The following IL7 variants were observed in gnomAD, a reference collection of about 807,000 sequenced individuals.
The protein encoded by IL7 is interleukin 7.
In IL7, 3 loss-of-function variants were observed where a neutral mutation model predicts 21.6. The ratio of observed to expected loss-of-function variants is 0.14; its 90% CI spans 0.06 to 0.36. The LOEUF (loss-of-function observed/expected upper bound fraction) is 0.36, where lower values mean the gene tolerates loss of function less well. IL7 is among the 10% of genes least tolerant of loss of function. The probability of loss-of-function intolerance (pLI) is 1.00; values close to 1 mark genes in which losing one functional copy is unlikely to be tolerated. For synonymous variants in IL7, 62 were observed against 68.1 expected, an observed-to-expected ratio of 0.91 and a Z score of 0.44; for missense variants, 175 against 200.2, an observed-to-expected ratio of 0.87 and a Z score of 0.76.
chr8:78,736,423 G>A (rs774692448), intron 5 of IL7, 51 bp downstream of exon 5: 4 of 1,090,404 alleles, frequency 3.7e-6, no homozygotes, highest in Non-Finnish European at 5.4e-6. Context: ...TAGGAATTAA[G>A]TTGAGTAAAA....
chr8:78,689,726 G>C (rs1437409108), intron 3 of IL7, among the ~76,000 whole-genome samples: 2 of 152,008 alleles, frequency 1.3e-5, no homozygotes, highest in Admixed American at 1.3e-4. Context: ...TTTCTCAGAT[G>C]TATATTAAGA....
At chr8:78,735,646 C>A (rs181209362) in intron 5 of IL7, among the ~76,000 whole-genome samples, 1 of 152,086 alleles carries the variant, frequency 6.6e-6, no homozygotes, top group Admixed American at 6.6e-5. Flanking sequence ...TAGTGAAAAG[C>A]CTTCAGGGTG....
intron 3 of IL7, among the ~76,000 whole-genome samples, chr8:78,704,019 T>A (rs1054184335): frequency 5.3e-5 from 8 of 151,986 alleles, no homozygotes; most frequent in African/African-American, 1.7e-4. Context: ...CTGAAAAAGG[T>A]TTTATTTCTC....
At position 78,735,457 on chromosome 8, in the gene IL7, C is replaced by T. The variant is rs985706079; in HGVS notation, c.414+1017G>A. Among the ~76,000 whole-genome samples the T allele has an allele frequency of 7.2e-5, 11 of 151,734 alleles. No homozygotes were observed. The South Asian group carries it at 2.1e-3, about 29-fold the overall frequency. The stretch of plus-strand genomic sequence containing the variant: ...CCTCCTGAGTAGCTGGGACTACAGG[C>T]GTGCACCACGCCCAGCTAATTTTTG... On this transcript the variant is annotated intron_variant, in intron 5 of 5. Coordinates refer to ENST00000263851, the MANE Select transcript of IL7 (RefSeq NM_000880.4).
chr8:78,784,678 G>A (rs868569674), intron 2 of IL7, among the ~76,000 whole-genome samples: 89 of 152,054 alleles, frequency 5.9e-4, no homozygotes, highest in Middle Eastern at 3.4e-3. Flanking sequence ...AAGACAGAGA[G>A]TCTCTGTCCT....
chr8:78,798,019 G>A (rs1813918431), intron 2 of IL7, 53 bp downstream of exon 2: 13 of 1,464,538 alleles, frequency 8.9e-6, no homozygotes, highest in East Asian at 2.3e-5. Context: ...TACCAAAAAG[G>A]TTCAAATTTT....
downstream of IL7, among the ~76,000 whole-genome samples, chr8:78,714,468 A>G (rs1811037618): frequency 6.6e-6 from 1 of 152,144 alleles, no homozygotes; most frequent in Non-Finnish European, 1.5e-5. Context: ...TAACCTTTCT[A>G]TAAGTGATCA....
At chr8:78,738,689 T>C in intron 3 of IL7, 54 bp from the exon 4 acceptor site, 2 of 1,549,256 alleles carry the variant, frequency 1.3e-6, no homozygotes, top group Non-Finnish European at 1.8e-6. Flanking sequence ...ATTAAGAAAT[T>C]ATAAGCTTTC....
chr8:78,739,343 C>T (rs1811701189), intron 3 of IL7, among the ~76,000 whole-genome samples: 1 of 151,978 alleles, frequency 6.6e-6, no homozygotes, highest in African/African-American at 2.4e-5. Context: ...TAAATTATAC[C>T]AATGACTTAT....
downstream of IL7, chr8:78,715,276 C>T (rs750351449): frequency 1.9e-6 from 3 of 1,613,710 alleles, no homozygotes; most frequent in Admixed American, 5.0e-5. Flanking sequence ...AAATCCTGCC[C>T]CAGGTGTGCT....
At chr8:78,717,640 TATA>T, downstream of IL7, 1 of 846,528 alleles carries the variant, frequency 1.2e-6, no homozygotes, top group East Asian at 2.7e-5. Flanking sequence ...CTTTTGGCTA[TATA>T]ATGTGTGTAT....
At chr8:78,715,306 T>C (rs765810424), downstream of IL7, 8 of 1,613,586 alleles carry the variant, frequency 5.0e-6, no homozygotes, top group South Asian at 8.8e-5. Flanking sequence ...AAGAAAAACA[T>C]ATACTGAGAG....
At chr8:78,691,541 G>A (rs1810211349) in intron 3 of IL7, among the ~76,000 whole-genome samples, 1 of 151,834 alleles carries the variant, frequency 6.6e-6, no homozygotes, top group African/African-American at 2.4e-5. Flanking sequence ...ACTTCATCTT[G>A]TTGGTCAAAA....
chr8:78,781,000 T>C (rs1365218201), intron 2 of IL7, among the ~76,000 whole-genome samples: 9 of 152,238 alleles, frequency 5.9e-5, no homozygotes, highest in Non-Finnish European at 2.9e-5. Context: ...TTATCTTTTT[T>C]GATCTTTATT....
chr8:78,745,440 C>T (rs1400398024), intron 2 of IL7, among the ~76,000 whole-genome samples: 1 of 152,030 alleles, frequency 6.6e-6, no homozygotes, highest in Non-Finnish European at 1.5e-5. Flanking sequence ...CTCCAAAATC[C>T]AAAGAACATT....
At chr8:78,767,702 A>T (rs1483649296) in intron 2 of IL7, among the ~76,000 whole-genome samples, 1 of 151,928 alleles carries the variant, frequency 6.6e-6, no homozygotes, top group Non-Finnish European at 1.5e-5. Flanking sequence ...TTTAATAGTG[A>T]TTGTTTTATA....
chr8:78,758,626 G>A (rs554319053), intron 2 of IL7, among the ~76,000 whole-genome samples: 1 of 152,140 alleles, frequency 6.6e-6, no homozygotes, highest in South Asian at 2.1e-4. Flanking sequence ...CCTGGGCATA[G>A]TATTCTTCAT....
chr8:78,776,398 G>T (rs1813140714), intron 2 of IL7, among the ~76,000 whole-genome samples: 1 of 152,024 alleles, frequency 6.6e-6, no homozygotes, highest in Non-Finnish European at 1.5e-5. Flanking sequence ...AATTATTTCT[G>T]GAAGTTTCCA....
chr8:78,686,927 G>A (rs1414354598), intron 3 of IL7, among the ~76,000 whole-genome samples: 1 of 152,090 alleles, frequency 6.6e-6, no homozygotes, highest in Non-Finnish European at 1.5e-5. Context: ...ACTGCGGATT[G>A]AAATGTAGTC....
Sources: gnomAD v4.1 joint callset for allele counts (sites outside exome capture counted in the v4.1 genomes callset) on GRCh38, gnomAD v4.1.1 for gene constraint, MANE v1.5 for transcripts, NCBI Gene and HGNC (gene_info 2026-07-23, HGNC 2026-07-21) for gene names.